Variants in CAPSL observed in about 807,000 individuals in gnomAD.
The protein encoded by CAPSL is calcyphosine like, also known as calcyphosin-like protein.
CAPSL carries 17 observed loss-of-function variants against 21.3 expected under a neutral mutation model. The ratio of observed to expected loss-of-function variants is 0.80; its 90% CI spans 0.55 to 1.20. CAPSL has a LOEUF of 1.20. Among genes scored for constraint, CAPSL ranks in the 50% most tolerant of loss-of-function variants. The pLI, the probability that CAPSL is intolerant of heterozygous loss-of-function variation, is 0.00. For synonymous variants in CAPSL, 102 were observed against 89.3 expected, an observed-to-expected ratio of 1.14 and a Z score of -0.80; for missense variants, 289 against 259.3, an observed-to-expected ratio of 1.11 and a Z score of -0.79.
rs141223346 is a variant in CAPSL at position 35,921,256 on chromosome 5, T to C, written c.1-136A>G. On this transcript the variant is annotated intron_variant, in intron 1 of 4. Transcript: ENST00000651391. ...GAAACCTCTCAGAATTTCCAATTTT[T>C]CTCTATGCCAACTGTGTGCCTGGCA... 276 of 1,044,746 alleles carry C rather than the reference T, an allele frequency of 2.6e-4. 1 individual carries two copies. In the African/African-American group the frequency reaches 4.0e-3, roughly 15 times the overall value. The allele number at this position is 1,044,746 out of a possible 1,614,324, so 64.7% of individuals were successfully genotyped here. A position where few individuals can be genotyped will look rare whatever the true frequency, so the allele number is the denominator to read the frequency against.
chr5:35,936,190 C>G (rs930312605), intron 1 of CAPSL, among the ~76,000 whole-genome samples: 1 of 152,064 alleles, frequency 6.6e-6, no homozygotes, highest in Non-Finnish European at 1.5e-5. Context: ...AAAAGTATAG[C>G]GCTCTAAGGG....
chr5:35,910,990 G>A (rs1738207078), intron 2 of CAPSL, among the ~76,000 whole-genome samples: 1 of 152,242 alleles, frequency 6.6e-6, no homozygotes, highest in Non-Finnish European at 1.5e-5. Context: ...TCACAGTGAT[G>A]TGGCTATGTT....
rs911264491 is a variant in CAPSL, at chr5:35,913,945, T to A, written c.138-3402A>T. Among the ~76,000 whole-genome samples the A allele has an allele frequency of 7.2e-5, 11 of 152,276 alleles. 1 individual carries two copies. Among genetic ancestry groups the A allele is most frequent in the Admixed American group, 7.2e-4 (11 of 15,294 alleles). ...GATAAACAGTCAAGACCCATCAGTG[T>A]GCTGTATTCAGGAAACCCATCTCAA... On this transcript the variant is annotated intron_variant, in intron 2 of 4. Transcript: ENST00000651391.
intron 4 of CAPSL, among the ~76,000 whole-genome samples, chr5:35,905,194 T>C (rs530893096): frequency 2.0e-5 from 3 of 152,292 alleles, no homozygotes; most frequent in African/African-American, 7.2e-5. Context: ...GCTTCATGCC[T>C]CCCACCCATC....
chr5:35,928,354 G>A (rs531259467), intron 1 of CAPSL, among the ~76,000 whole-genome samples: 8 of 152,234 alleles, frequency 5.3e-5, no homozygotes, highest in South Asian at 4.1e-4. Context: ...CCTAGCAGGC[G>A]GCTAGGAAGT....
At chr5:35,937,019 C>T (rs545499863) in intron 1 of CAPSL, among the ~76,000 whole-genome samples, 1 of 152,320 alleles carries the variant, frequency 6.6e-6, no homozygotes, top group South Asian at 2.1e-4. Flanking sequence ...CTTCCTAACC[C>T]TTTACATCCA....
chr5:35,918,079 C>A (rs1319932079), intron 2 of CAPSL, among the ~76,000 whole-genome samples: 2 of 152,090 alleles, frequency 1.3e-5, no homozygotes, highest in Non-Finnish European at 2.9e-5. Context: ...ACCACAAATA[C>A]CATTTGACCC....
At chr5:35,920,212 C>G (rs1258252135) in intron 2 of CAPSL, among the ~76,000 whole-genome samples, 1 of 152,172 alleles carries the variant, frequency 6.6e-6, no homozygotes, top group Non-Finnish European at 1.5e-5. Flanking sequence ...CTCCCATTGG[C>G]ACCCTGTACT....
At chr5:35,932,932 G>A (rs1447698332) in intron 1 of CAPSL, among the ~76,000 whole-genome samples, 2 of 152,168 alleles carry the variant, frequency 1.3e-5, no homozygotes, top group Non-Finnish European at 2.9e-5. Context: ...ATCTAGGCCT[G>A]GGACATCAGA....
intron 1 of CAPSL, among the ~76,000 whole-genome samples, chr5:35,932,127 T>C (rs1304924613): frequency 1.3e-5 from 2 of 152,236 alleles, no homozygotes; most frequent in African/African-American, 4.8e-5. Context: ...TCTTAACTGA[T>C]ACTTCCAGAA....
At chr5:35,938,204 C>T (rs1392598658) in intron 1 of CAPSL, among the ~76,000 whole-genome samples, 7 of 152,194 alleles carry the variant, frequency 4.6e-5, no homozygotes, top group Non-Finnish European at 8.8e-5. Context: ...TCATCAGGAT[C>T]GTTAGAGCAA....
chr5:35,905,870 A>G (rs952211251), intron 4 of CAPSL, among the ~76,000 whole-genome samples: 4 of 152,214 alleles, frequency 2.6e-5, no homozygotes, highest in African/African-American at 7.2e-5. Flanking sequence ...GCTGTACCCC[A>G]CACCTGCTAA....
intron 4 of CAPSL, 58 bp from the exon 5 acceptor site, chr5:35,904,704 C>A (rs754528956): frequency 6.2e-5 from 99 of 1,601,920 alleles, no homozygotes; most frequent in Non-Finnish European, 8.3e-5. Context: ...TGTCAATGGG[C>A]GCCCACCTTG....
chr5:35,919,190 T>A (rs905289424), intron 2 of CAPSL, among the ~76,000 whole-genome samples: 4 of 144,584 alleles, frequency 2.8e-5, no homozygotes, highest in East Asian at 2.0e-4. Flanking sequence ...TATATATATA[T>A]AAAAATTGTG....
intron 1 of CAPSL, among the ~76,000 whole-genome samples, chr5:35,930,559 A>G (rs1214369050): frequency 6.6e-6 from 1 of 152,196 alleles, no homozygotes; most frequent in African/African-American, 2.4e-5. Context: ...AAGCCTGAGA[A>G]TGATTGTCTC....
intron 2 of CAPSL, among the ~76,000 whole-genome samples, chr5:35,915,765 G>A (rs566558996): frequency 4.1e-4 from 63 of 152,172 alleles, no homozygotes; most frequent in Admixed American, 9.2e-4. Flanking sequence ...ACACTGAATC[G>A]GCAAAAAACT....
intron 2 of CAPSL, 36 bp from the exon 3 acceptor site, chr5:35,910,579 T>C (rs889001675): frequency 6.9e-7 from 1 of 1,458,660 alleles, no homozygotes. Flanking sequence ...AGAAGAAATG[T>C]ACAAATAACA....
intron 1 of CAPSL, among the ~76,000 whole-genome samples, chr5:35,938,050 T>C (rs1205848678): frequency 6.6e-6 from 1 of 152,230 alleles, no homozygotes; most frequent in East Asian, 1.9e-4. Flanking sequence ...CTGATTTTTA[T>C]TCTGATTCTC....
intron 1 of CAPSL, among the ~76,000 whole-genome samples, chr5:35,936,286 C>T (rs1337854038): frequency 6.6e-6 from 1 of 152,130 alleles, no homozygotes; most frequent in Non-Finnish European, 1.5e-5. Flanking sequence ...ACCTGCAACA[C>T]AGAGGCCTAC....
Sources: allele counts gnomAD v4.1 joint callset (sites outside exome capture counted in the v4.1 genomes callset), GRCh38; gene constraint gnomAD v4.1.1; transcripts MANE v1.5; gene names NCBI Gene and HGNC (gene_info 2026-07-23, HGNC 2026-07-21).